KIRREL3: variants seen among roughly 807,000 people sequenced by gnomAD.
The protein encoded by KIRREL3 is kirre like nephrin family adhesion molecule 3, also known as kin of IRRE-like protein 3.
KIRREL3 carries 36 observed loss-of-function variants against 89.7 expected under a neutral mutation model. The observed-to-expected ratio is 0.40, with a 90% CI of 0.31 to 0.53. KIRREL3 has a LOEUF of 0.53. KIRREL3 is among the 20% of genes least tolerant of loss of function. The pLI, the probability that KIRREL3 is intolerant of heterozygous loss-of-function variation, is 0.49. For missense variants in KIRREL3, 864 were observed against 1,056.6 expected, an observed-to-expected ratio of 0.82 and a Z score of 2.53; for synonymous variants, 445 against 441.4, an observed-to-expected ratio of 1.01 and a Z score of -0.10.
rs1949826509 is a variant in KIRREL3, at chr11:126,985,153, A to C, written c.55+15302T>G. On this transcript the variant is annotated intron_variant, in intron 1 of 16. Coordinates refer to ENST00000525144, the MANE Select transcript of KIRREL3 (RefSeq NM_032531.4). This position sits in a 1 kb window ranked among gnomAD's most constrained non-coding sequence, Gnocchi z 5.3. ...CATAGGTACTCGAGTTGTACAAGGC[A>C]ATAATAATGATAAATAGAGCACGTT... Among the ~76,000 whole-genome samples the C allele has an allele frequency of 6.6e-6, 1 of 152,218 alleles. No individual in the cohort carries two copies. The highest frequency in any genetic ancestry group is 1.5e-5 in the Non-Finnish European group (1 of 68,036).
chr11:126,567,309 G>A (rs1401853145), intron 1 of KIRREL3, among the ~76,000 whole-genome samples: 1 of 152,144 alleles, frequency 6.6e-6, no homozygotes, highest in Non-Finnish European at 1.5e-5. Context: ...ACAGGGAGAC[G>A]CTGTAAAAAC....
At chr11:126,662,420 T>A (rs2135019643) in intron 1 of KIRREL3, among the ~76,000 whole-genome samples, 1 of 152,146 alleles carries the variant, frequency 6.6e-6, no homozygotes, top group East Asian at 1.9e-4. Context: ...TACCTGAGAG[T>A]GGGTAATTTA....
chr11:126,649,994 C>A (rs1275410745), intron 1 of KIRREL3, among the ~76,000 whole-genome samples: 1 of 152,372 alleles, frequency 6.6e-6, no homozygotes, highest in African/African-American at 2.4e-5. Flanking sequence ...TTCTTGACTT[C>A]TGTGCACTCT....
At chr11:126,793,287 G>A (rs1950704036) in intron 1 of KIRREL3, among the ~76,000 whole-genome samples, 1 of 152,158 alleles carries the variant, frequency 6.6e-6, no homozygotes, top group Non-Finnish European at 1.5e-5. Flanking sequence ...TGGGGACCAT[G>A]GGTCTTATTT....
rs187822094 is a variant in KIRREL3, at chr11:126,685,893, T to G, written c.56-122981A>C. Among the ~76,000 whole-genome samples the G allele has an allele frequency of 1.2e-4, 18 of 152,364 alleles. No homozygotes were observed. In the East Asian group the frequency reaches 3.5e-3, roughly 29 times the overall value. ...AGACTTTTTCCCTCATGCTGGGCTC[T>G]TCACGTGGCATCCTGTGCCTGCTCA... is the stretch of plus-strand genomic sequence containing the variant. On this transcript the variant is annotated intron_variant, in intron 1 of 16. Coordinates refer to ENST00000525144, the MANE Select transcript of KIRREL3 (RefSeq NM_032531.4). This position sits in a 1 kb window ranked among gnomAD's most constrained non-coding sequence, Gnocchi z 5.5.
chr11:126,500,365 G>T (rs564558703), intron 4 of KIRREL3, among the ~76,000 whole-genome samples: 3 of 152,170 alleles, frequency 2.0e-5, no homozygotes, highest in African/African-American at 7.2e-5. Flanking sequence ...CACTATGTAG[G>T]GCAGCCTGGA....
At chr11:126,644,775 A>G (rs760104145) in intron 1 of KIRREL3, among the ~76,000 whole-genome samples, 1 of 152,260 alleles carries the variant, frequency 6.6e-6, no homozygotes, top group Non-Finnish European at 1.5e-5. Context: ...TCAAAGAGTT[A>G]AAGTTTTTAA....
intron 11 of KIRREL3, 142 bp downstream of exon 11, chr11:126,440,307 A>G (rs774313963): frequency 5.2e-6 from 4 of 764,084 alleles, no homozygotes; most frequent in South Asian, 1.5e-5. Context: ...CTTTTCCAAG[A>G]CAGCCAAGGC....
At chr11:126,478,335 A>G (rs571869987) in intron 4 of KIRREL3, among the ~76,000 whole-genome samples, 89 of 152,108 alleles carry the variant, frequency 5.9e-4, no homozygotes, top group African/African-American at 2.0e-3. Context: ...GACAACAAAG[A>G]CCTTATCTAT....
intron 4 of KIRREL3, among the ~76,000 whole-genome samples, chr11:126,506,344 G>T (rs1958013552): frequency 3.3e-5 from 5 of 152,120 alleles, no homozygotes; most frequent in Admixed American, 2.6e-4. Flanking sequence ...GAAAATATTT[G>T]CAAGTCGTAT....
rs572296528 is a variant in KIRREL3 at position 126,876,494 on chromosome 11, C to A, written c.55+123961G>T. On this transcript the variant is annotated intron_variant, in intron 1 of 16. Coordinates refer to ENST00000525144, the MANE Select transcript of KIRREL3 (RefSeq NM_032531.4). The surrounding 1 kb of genome is among the most constrained non-coding windows in gnomAD (Gnocchi z 4.1). ...TCCCTGCTCACTGTTGCACCTGATA[C>A]ACCTATCCTAGTGCTTGGCTTACAG... Among the ~76,000 whole-genome samples, 1 of 151,804 alleles carries A rather than the reference C, an allele frequency of 6.6e-6. No homozygotes were observed. Among genetic ancestry groups the A allele is most frequent in the African/African-American group, 2.4e-5 (1 of 41,320 alleles).
chr11:126,546,495 C>A (rs548618413), intron 2 of KIRREL3, among the ~76,000 whole-genome samples: 1 of 152,356 alleles, frequency 6.6e-6, no homozygotes, highest in African/African-American at 2.4e-5. Flanking sequence ...TGCTGACCTC[C>A]CCAGCACAAC....
At chr11:126,889,253 G>T (rs1487941194) in intron 1 of KIRREL3, among the ~76,000 whole-genome samples, 1 of 141,228 alleles carries the variant, frequency 7.1e-6, no homozygotes, top group Non-Finnish European at 1.5e-5. Flanking sequence ...CAAGTACCCA[G>T]GGATCTGCTT....
chr11:126,702,142 T>C (rs756147781), intron 1 of KIRREL3, among the ~76,000 whole-genome samples: 11 of 152,186 alleles, frequency 7.2e-5, no homozygotes, highest in Admixed American at 1.3e-4. Flanking sequence ...CTGTCTCCTG[T>C]CCAAACCTTC....
chr11:126,762,494 G>A lies in KIRREL3; in HGVS notation c.56-199582C>T, dbSNP rs76480152. Among the ~76,000 whole-genome samples the A allele has an allele frequency of 3.0e-4, 45 of 152,282 alleles. No homozygotes were observed. The East Asian group carries it at 7.3e-3, about 25-fold the overall frequency. ...ACTTCATTCCCCAGCCTCCCTTGCC[G>A]CTATGTGATCAAGTCTTGGGCAATG... On this transcript the variant is annotated intron_variant, in intron 1 of 16. Transcript: ENST00000525144.
intron 1 of KIRREL3, among the ~76,000 whole-genome samples, chr11:126,586,262 G>C (rs1191427544): frequency 6.6e-6 from 1 of 152,172 alleles, no homozygotes; most frequent in Non-Finnish European, 1.5e-5. Context: ...GAGGAACATA[G>C]AGCTAAAATC....
At chr11:126,895,531 G>A (rs977505083) in intron 1 of KIRREL3, among the ~76,000 whole-genome samples, 12 of 151,638 alleles carry the variant, frequency 7.9e-5, no homozygotes, top group South Asian at 2.1e-4. Context: ...AGAGATGAAA[G>A]GAAGAAAGGA....
intron 1 of KIRREL3, among the ~76,000 whole-genome samples, chr11:126,714,362 C>T (rs998082623): frequency 2.0e-5 from 3 of 152,210 alleles, no homozygotes; most frequent in Non-Finnish European, 4.4e-5. Context: ...CCAGGCCGAG[C>T]CCTGATACTG....
Position 126,724,793 on chromosome 11 carries a change from G to A in KIRREL3, c.56-161881C>T, listed in dbSNP as rs1948314256. ...GATAAGAGTCAGGATTATTAGACCT[G>A]CCTATGGGCCAAGGGTTCTTACTAA... On this transcript the variant is annotated intron_variant, in intron 1 of 16. Coordinates refer to ENST00000525144, the MANE Select transcript of KIRREL3 (RefSeq NM_032531.4). The surrounding 1 kb of genome is among the most constrained non-coding windows in gnomAD (Gnocchi z 4.3). Among the ~76,000 whole-genome samples, 1 of 152,168 alleles carries A rather than the reference G, an allele frequency of 6.6e-6. No individual in the cohort carries two copies. The highest frequency in any genetic ancestry group is 6.5e-5 in the Admixed American group (1 of 15,276).
Sources: gnomAD v4.1 joint callset for allele counts (sites outside exome capture counted in the v4.1 genomes callset) on GRCh38, gnomAD v4.1.1 for gene constraint, Gnocchi (gnomAD v3.1) non-coding constraint, MANE v1.5 for transcripts, NCBI Gene and HGNC (gene_info 2026-07-23, HGNC 2026-07-21) for gene names.